Variants in PTPRQ observed in about 807,000 individuals in gnomAD.
The protein encoded by PTPRQ is protein tyrosine phosphatase receptor type Q, also known as phosphatidylinositol phosphatase PTPRQ.
PTPRQ carries 199 observed loss-of-function variants against 246.0 expected under a neutral mutation model. The ratio of observed to expected loss-of-function variants is 0.81; its 90% confidence interval spans 0.72 to 0.91. The LOEUF (loss-of-function observed/expected upper bound fraction) is 0.91, where lower values mean the gene tolerates loss of function less well. Ranked by LOEUF, PTPRQ falls within the 40% of genes least tolerant of loss-of-function variation. PTPRQ has a pLI of 0.00. For synonymous variants in PTPRQ, 869 were observed against 853.2 expected (o/e 1.02, Z -0.32); for missense variants, 2,624 against 2,528.4 (o/e 1.04, Z -0.81).
chr12:80,530,933 T>G (rs1315784494), intron 17 of PTPRQ, among the ~76,000 whole-genome samples: 3 of 152,100 alleles, frequency 2.0e-5, no homozygotes, highest in Non-Finnish European at 4.4e-5. Context: ...ATGCCTGTAG[T>G]ACCAGCTACT....
intron 17 of PTPRQ, among the ~76,000 whole-genome samples, chr12:80,523,246 TTC>T (rs1392284348): frequency 6.6e-6 from 1 of 152,186 alleles, no homozygotes; most frequent in Non-Finnish European, 1.5e-5. Context: ...TATTTGATTC[TTC>T]TCTCTTTCCT....
At chr12:80,514,980 C>T (rs1895247733) in intron 17 of PTPRQ, among the ~76,000 whole-genome samples, 1 of 150,566 alleles carries the variant, frequency 6.6e-6, no homozygotes, top group Non-Finnish European at 1.5e-5. Flanking sequence ...AAATTTTCAG[C>T]ATTGTCTTAC....
chr12:80,549,351 A>G, intron 24 of PTPRQ, 114 bp from the exon 25 acceptor site: 3 of 1,279,056 alleles, frequency 2.3e-6, no homozygotes, highest in South Asian at 1.8e-5. Context: ...AATTTGATAT[A>G]TTAAATATTT....
In PTPRQ at chr12:80,495,249, T is replaced by C. The variant is rs975626208; in HGVS notation, c.1760T>C (p.Leu587Ser). 6.5e-7 allele frequency: 1 copy of C among 1,542,438 alleles called. No homozygotes were observed. Among genetic ancestry groups the C allele is most frequent in the Non-Finnish European group, 8.7e-7 (1 of 1,144,340 alleles). ...AATATTAGTTCTTCATCTATTTTGT[T>C]ATATTGGGATCCTCCAGAATATCCC... ...YKNISSSSILLYWDPPEYPNG... is the reference protein window; with the variant it reads ...YKNISSSSILSYWDPPEYPNG... Residue 587 changes from leucine to serine, a missense_variant, in exon 12 of 45, where the codon TTA (leucine) becomes TCA (serine). Leu to Ser is a moderately radical substitution (Grantham distance 145). Transcript: ENST00000644991.
chr12:80,670,845 G>A (rs1900946259), intron 42 of PTPRQ, among the ~76,000 whole-genome samples: 1 of 152,008 alleles, frequency 6.6e-6, no homozygotes, highest in South Asian at 2.1e-4. Context: ...AATGGGTACA[G>A]ACCTTCTATT....
At chr12:80,543,732 G>A (rs534334704) in intron 23 of PTPRQ, among the ~76,000 whole-genome samples, 2 of 152,032 alleles carry the variant, frequency 1.3e-5, no homozygotes, top group South Asian at 2.1e-4. Flanking sequence ...TTATGTCATC[G>A]GGAACAATGA....
intron 9 of PTPRQ, among the ~76,000 whole-genome samples, chr12:80,488,756 C>T (rs1894358985): frequency 1.3e-5 from 2 of 151,876 alleles, no homozygotes; most frequent in African/African-American, 4.8e-5. Flanking sequence ...GATCTCATTA[C>T]CCTTATTGAA....
intron 9 of PTPRQ, among the ~76,000 whole-genome samples, chr12:80,485,921 C>T (rs1363445568): frequency 6.6e-6 from 1 of 151,992 alleles, no homozygotes; most frequent in African/African-American, 2.4e-5. Flanking sequence ...CTGCAATTCT[C>T]GTCTCATAGT....
At position 80,619,425 on chromosome 12, in the gene PTPRQ, G is replaced by A. The variant is rs774753099; in HGVS notation, c.5272G>A (p.Ala1758Thr). ...AACCAAACCAACCCCTATTTATGAT[G>A]CCACAGGAAAACTGCTTGTGACTTC... is the stretch of plus-strand genomic sequence containing the variant. ...PKTKPTPIYDATGKLLVTSTT... is the reference protein window; with the variant it reads ...PKTKPTPIYDTTGKLLVTSTT... The change falls in exon 31 of 45, where the codon GCC becomes ACC. Residue 1758 changes from alanine (A) to threonine (T), a missense_variant. By Grantham distance (58) the Ala-to-Thr change is moderately conservative (BLOSUM62 0). Coordinates refer to ENST00000644991, the MANE Select transcript of PTPRQ (RefSeq NM_001145026.2). 6.5e-7 allele frequency: 1 copy of A among 1,547,860 alleles called. No homozygotes were observed. The highest frequency in any genetic ancestry group is 8.7e-7 in the Non-Finnish European group (1 of 1,144,650).
chr12:80,672,779 A>G (rs1173114103), intron 42 of PTPRQ, among the ~76,000 whole-genome samples: 1 of 152,176 alleles, frequency 6.6e-6, no homozygotes, highest in East Asian at 1.9e-4. Context: ...TAAGCTAAAT[A>G]TTCTACATTT....
chr12:80,660,071 G>T (rs557465288), intron 39 of PTPRQ, among the ~76,000 whole-genome samples: 4 of 151,896 alleles, frequency 2.6e-5, no homozygotes, highest in African/African-American at 9.7e-5. Context: ...AATTTTATTC[G>T]AAAGCACTTC....
intron 14 of PTPRQ, among the ~76,000 whole-genome samples, chr12:80,500,140 A>G (rs1018405141): frequency 2.0e-5 from 3 of 152,000 alleles, no homozygotes; most frequent in African/African-American, 7.2e-5. Flanking sequence ...ATGCCAAACA[A>G]TAGTCTTTTG....
At chr12:80,493,233 G>A in intron 9 of PTPRQ, 42 bp from the exon 10 acceptor site, 1 of 1,382,866 alleles carries the variant, frequency 7.2e-7, no homozygotes, top group Non-Finnish European at 9.4e-7. Flanking sequence ...GTCATGAAGT[G>A]TAACTGTCAC....
intron 17 of PTPRQ, among the ~76,000 whole-genome samples, chr12:80,529,069 T>A (rs568459532): frequency 7.9e-5 from 12 of 152,304 alleles, no homozygotes; most frequent in Admixed American, 4.6e-4. Flanking sequence ...AATGTGCAAC[T>A]GTTTATGCCT....
At chr12:80,593,460 C>A (rs980411412) in intron 26 of PTPRQ, among the ~76,000 whole-genome samples, 2 of 152,062 alleles carry the variant, frequency 1.3e-5, no homozygotes, top group African/African-American at 2.4e-5. Flanking sequence ...TCTGAGTGTA[C>A]ACCTGTAAAA....
intron 6 of PTPRQ, among the ~76,000 whole-genome samples, chr12:80,466,766 C>T (rs1306903249): frequency 8.5e-5 from 13 of 152,170 alleles, no homozygotes; most frequent in Admixed American, 3.3e-4. Flanking sequence ...AAAGGATTCC[C>T]TATTTAATAA....
chr12:80,487,776 A>G (rs1280673909), intron 9 of PTPRQ, among the ~76,000 whole-genome samples: 3 of 152,228 alleles, frequency 2.0e-5, no homozygotes, highest in African/African-American at 4.8e-5. Context: ...TGCCTGGACT[A>G]CTGTTATCTC....
chr12:80,598,305 G>A (rs1446176151), intron 26 of PTPRQ, among the ~76,000 whole-genome samples: 1 of 151,990 alleles, frequency 6.6e-6, no homozygotes, highest in Non-Finnish European at 1.5e-5. Flanking sequence ...CAGTGGTGAT[G>A]CGTTTTGGTC....
chr12:80,519,694 G>T (rs554015838), intron 17 of PTPRQ, among the ~76,000 whole-genome samples: 4 of 152,232 alleles, frequency 2.6e-5, no homozygotes, highest in Non-Finnish European at 4.4e-5. Context: ...TGTTCACTTT[G>T]GGGTTGAGAC....
Sources: allele counts gnomAD v4.1 joint callset (sites outside exome capture counted in the v4.1 genomes callset), GRCh38; gene constraint gnomAD v4.1.1; transcripts MANE v1.5; gene names NCBI Gene and HGNC (gene_info 2026-07-23, HGNC 2026-07-21).